The following GPR89B variants were observed in gnomAD, a reference collection of about 807,000 sequenced individuals.
GPR89B encodes the protein G protein-coupled receptor 89B.
In GPR89B, 25 loss-of-function variants were observed where a neutral mutation model predicts 52.4. That is an observed-to-expected ratio of 0.48 (90% CI 0.35 to 0.67). The LOEUF (loss-of-function observed/expected upper bound fraction) is 0.67. GPR89B is among the 30% of genes least tolerant of loss of function. The probability of loss-of-function intolerance (pLI) is 0.01; values close to 1 mark genes in which losing one functional copy is unlikely to be tolerated. For missense variants in GPR89B, 146 were observed against 450.2 expected (o/e 0.32, Z 6.11); for synonymous variants, 52 against 151.2 (o/e 0.34, Z 4.81).
intron 5 of GPR89B, among the ~76,000 whole-genome samples, chr1:147,949,218 C>T (rs1425923287): frequency 6.6e-6 from 1 of 152,138 alleles, no homozygotes; most frequent in Non-Finnish European, 1.5e-5. Context: ...CCTTTCCCCC[C>T]TTTCCATTCC....
At chr1:147,938,894 A>G in intron 3 of GPR89B, 77 bp downstream of exon 3, 11 of 1,549,164 alleles carry the variant, frequency 7.1e-6, no homozygotes, top group Non-Finnish European at 7.9e-6. Flanking sequence ...ATTGGATCTC[A>G]TAACTGAAAA....
intron 8 of GPR89B, chr1:147,968,414 T>C: frequency 2.2e-6 from 1 of 454,536 alleles, no homozygotes; most frequent in Non-Finnish European, 4.4e-6. Context: ...AAGATAATGT[T>C]TGAAAAGAAA....
At chr1:147,991,909 G>A (rs1160821741) in intron 12 of GPR89B, among the ~76,000 whole-genome samples, 1 of 151,638 alleles carries the variant, frequency 6.6e-6, no homozygotes, top group Non-Finnish European at 1.5e-5. Context: ...CTCTTTTTTT[G>A]TTGTGTCTCT....
At chr1:147,946,316 T>G (rs1345783658) in intron 5 of GPR89B, among the ~76,000 whole-genome samples, 2 of 152,176 alleles carry the variant, frequency 1.3e-5, no homozygotes, top group African/African-American at 4.8e-5. Flanking sequence ...GTGTGGAAAC[T>G]GACACATAAC....
At chr1:147,962,848 G>A (rs1656704741) in intron 7 of GPR89B, among the ~76,000 whole-genome samples, 2 of 148,390 alleles carry the variant, frequency 1.3e-5, no homozygotes, top group African/African-American at 5.0e-5. Flanking sequence ...AGTGAGCCGA[G>A]ATCCGCCATT....
rs149498130 is a variant in GPR89B at position 147,930,287 on chromosome 1, T to C, written c.42+1709T>C. ...TTTATGTGGCTACTTTATCATCCTT[T>C]CGGTATTAATAAAAATGTCGCTTTA... is the stretch of plus-strand genomic sequence containing the variant. On this transcript the variant is annotated intron_variant, in intron 1 of 13. Transcript: ENST00000314163. Among the ~76,000 whole-genome samples, 1,203 of 152,318 alleles carry C rather than the reference T, an allele frequency of 7.9e-3. 23 individuals are homozygous for C. The highest frequency in any genetic ancestry group is 0.046 in the East Asian group (241 of 5,184).
At chr1:148,020,462 C>T in the GPR89B span, among the ~76,000 whole-genome samples, 1 of 151,290 alleles carries the variant, frequency 6.6e-6, no homozygotes, top group African/African-American at 2.5e-5. Flanking sequence ...CTGCACAGCT[C>T]GGGGTCAGGA....
At chr1:148,006,557 T>A in the GPR89B span, among the ~76,000 whole-genome samples, 1 of 152,042 alleles carries the variant, frequency 6.6e-6, no homozygotes, top group Non-Finnish European at 1.5e-5. Flanking sequence ...ACCCTATATG[T>A]TTTTTCCTGT....
chr1:147,947,713 T>G (rs1322725000), intron 5 of GPR89B, among the ~76,000 whole-genome samples: 1 of 152,104 alleles, frequency 6.6e-6, no homozygotes. Context: ...ATTTTTTCAG[T>G]TTTTCAAATT....
chr1:147,953,105 T>A (rs1655849322), intron 5 of GPR89B, among the ~76,000 whole-genome samples: 1 of 148,608 alleles, frequency 6.7e-6, no homozygotes, highest in Non-Finnish European at 1.5e-5. Context: ...TTATTGTTGT[T>A]ATTATTTTAC....
the GPR89B span, among the ~76,000 whole-genome samples, chr1:148,009,068 C>A: frequency 1.3e-5 from 2 of 152,172 alleles, no homozygotes; most frequent in Admixed American, 1.3e-4. Context: ...TCAAAGAGTC[C>A]TCAAGTGTCA....
At chr1:148,023,778 A>G in the GPR89B span, among the ~76,000 whole-genome samples, 2 of 151,350 alleles carry the variant, frequency 1.3e-5, no homozygotes, top group Non-Finnish European at 2.9e-5. Context: ...CCCACTTTGT[A>G]ATGGGATTAT....
intron 5 of GPR89B, among the ~76,000 whole-genome samples, chr1:147,951,096 G>T (rs2149055956): frequency 6.6e-6 from 1 of 151,976 alleles, no homozygotes; most frequent in Admixed American, 6.6e-5. Flanking sequence ...TTACCATAGT[G>T]TCGTAGTGGT....
intron 5 of GPR89B, among the ~76,000 whole-genome samples, chr1:147,945,975 C>A (rs1432002097): frequency 3.3e-5 from 5 of 152,120 alleles, no homozygotes; most frequent in African/African-American, 1.2e-4. Flanking sequence ...ATCGACCCAC[C>A]TCAGCTTCCC....
chr1:147,930,648 T>C (rs1433603532), intron 1 of GPR89B, among the ~76,000 whole-genome samples: 3 of 152,140 alleles, frequency 2.0e-5, no homozygotes, highest in Non-Finnish European at 4.4e-5. Flanking sequence ...TTGTATTAAC[T>C]GAAAGGTTTA....
At chr1:147,965,992 A>G (rs1657004202) in intron 7 of GPR89B, among the ~76,000 whole-genome samples, 1 of 151,620 alleles carries the variant, frequency 6.6e-6, no homozygotes, top group African/African-American at 2.4e-5. Flanking sequence ...GATTACAGAC[A>G]TGGGTCACCA....
At chr1:148,016,954 A>C in the GPR89B span, among the ~76,000 whole-genome samples, 1 of 151,604 alleles carries the variant, frequency 6.6e-6, no homozygotes, top group Non-Finnish European at 1.5e-5. Flanking sequence ...TCTGCTGTTA[A>C]TCCCATCCAG....
At chr1:147,949,449 TGACCCCCC>T (rs1558043593) in intron 5 of GPR89B, among the ~76,000 whole-genome samples, 1 of 306 alleles carries the variant, frequency 3.3e-3, no homozygotes, top group African/African-American at 0.015. Flanking sequence ...CTGACCCCCC[TGACCCCCC>T]ACCTCCCTCC....
At chr1:147,946,359 A>G (rs1487131366) in intron 5 of GPR89B, among the ~76,000 whole-genome samples, 2 of 151,990 alleles carry the variant, frequency 1.3e-5, no homozygotes, top group African/African-American at 4.8e-5. Context: ...GAATCAGTGG[A>G]TGGAAGAAAA....
Sources: allele counts gnomAD v4.1 joint callset (sites outside exome capture counted in the v4.1 genomes callset), GRCh38; gene constraint gnomAD v4.1.1; transcripts MANE v1.5; gene names NCBI Gene and HGNC (gene_info 2026-07-23, HGNC 2026-07-21).